The following EEFSEC variants were observed in gnomAD, a reference collection of about 807,000 sequenced individuals.
The protein encoded by EEFSEC is selenocysteine-specific elongation factor.
In EEFSEC, 43 loss-of-function variants were observed where a neutral mutation model predicts 42.1. The ratio of observed to expected loss-of-function variants is 1.02; its 90% CI spans 0.80 to 1.32. The LOEUF (loss-of-function observed/expected upper bound fraction) is 1.32. Among genes scored for constraint, EEFSEC ranks in the 40% most tolerant of loss-of-function variants. The pLI, the probability that EEFSEC is intolerant of heterozygous loss-of-function variation, is 0.00. For missense variants in EEFSEC, 745 were observed against 803.6 expected, an observed-to-expected ratio of 0.93 and a Z score of 0.88; for synonymous variants, 354 against 339.1, an observed-to-expected ratio of 1.04 and a Z score of -0.48.
Position 128,153,813 on chromosome 3 carries a change from CA to C in EEFSEC, c.307del (p.Ile103SerfsTer10). The C allele has an allele frequency of 6.6e-7, 1 of 1,512,814 alleles. No homozygotes were observed. Among genetic ancestry groups the C allele is most frequent in the Non-Finnish European group, 8.8e-7 (1 of 1,136,760 alleles). The allele number at this position is 1,512,814 out of a possible 1,614,324, so 93.7% of individuals were successfully genotyped here. A position where few individuals can be genotyped will look rare whatever the true frequency, so the allele number is the denominator to read the frequency against. On this transcript the variant is annotated frameshift_variant, in exon 1 of 7. Transcript: ENST00000254730. LOFTEE classifies it high-confidence loss of function. ...CPGHASLIRT[I>X]IGGAQIIDLM... ...CCGGGCACGCCTCCCTCATCCGGAC[CA>C]TCATCGGCGGTGAGCGCGGGCCGGG...
intron 4 of EEFSEC, among the ~76,000 whole-genome samples, chr3:128,335,025 G>T (rs71329990): frequency 0.014 from 2,199 of 152,296 alleles, 27 homozygotes; most frequent in Non-Finnish European, 0.024. Context: ...ATCCTCTGAG[G>T]GCCTGGCCAG....
At chr3:128,273,513 G>T (rs2066435982) in intron 4 of EEFSEC, among the ~76,000 whole-genome samples, 3 of 152,198 alleles carry the variant, frequency 2.0e-5, no homozygotes, top group Admixed American at 2.0e-4. Context: ...AACCCCAAGT[G>T]AATGGCATGC....
rs1260166662 is a variant in EEFSEC at position 128,368,458 on chromosome 3, C to A, written c.1600+10085C>A. On this transcript the variant is annotated intron_variant, in intron 6 of 6. Transcript: ENST00000254730. ...TCCAAAAAAAACAAAAAAAAAAAAACAAAAAAAGAAGTACAGTCCACAACA... is the reference window on the plus strand; with the variant it reads ...TCCAAAAAAAACAAAAAAAAAAAAAAAAAAAAAGAAGTACAGTCCACAACA... Among the ~76,000 whole-genome samples, 287 of 148,654 alleles carry A rather than the reference C, an allele frequency of 1.9e-3. 1 individual carries two copies. Among genetic ancestry groups the A allele is most frequent in the African/African-American group, 6.8e-3 (273 of 40,418 alleles).
At chr3:128,424,446 A>AT in the EEFSEC span, among the ~76,000 whole-genome samples, 1 of 152,034 alleles carries the variant, frequency 6.6e-6, no homozygotes, top group Non-Finnish European at 1.5e-5. Context: ...CAGTGGTGTG[A>AT]TCATGGCTCA....
At chr3:128,175,593 C>T (rs1017937829) in intron 1 of EEFSEC, among the ~76,000 whole-genome samples, 2 of 152,302 alleles carry the variant, frequency 1.3e-5, no homozygotes, top group Admixed American at 1.3e-4. Flanking sequence ...TGATAAAATT[C>T]GACATCACCT....
chr3:128,367,667 C>T, intron 6 of EEFSEC: 14 of 985,426 alleles, frequency 1.4e-5, no homozygotes, highest in Non-Finnish European at 1.7e-5. Flanking sequence ...TGTCCCCTTC[C>T]CACCTTACAG....
At chr3:128,388,859 G>A (rs2067873486) in intron 6 of EEFSEC, among the ~76,000 whole-genome samples, 1 of 152,200 alleles carries the variant, frequency 6.6e-6, no homozygotes, top group Non-Finnish European at 1.5e-5. Flanking sequence ...GAGGTAGAGG[G>A]TCCCCAAGCT....
At chr3:128,206,722 G>A (rs761367460) in intron 1 of EEFSEC, among the ~76,000 whole-genome samples, 2 of 152,116 alleles carry the variant, frequency 1.3e-5, no homozygotes, top group Non-Finnish European at 2.9e-5. Context: ...ATATTATTTC[G>A]ATCCTCATAG....
intron 1 of EEFSEC, among the ~76,000 whole-genome samples, chr3:128,242,125 TG>T: frequency 6.6e-6 from 1 of 152,142 alleles, no homozygotes; most frequent in Admixed American, 6.5e-5. Flanking sequence ...GAGACCAGCC[TG>T]GGCAACATAG....
chr3:128,381,101 G>T (rs2067771081), intron 6 of EEFSEC, among the ~76,000 whole-genome samples: 1 of 152,220 alleles, frequency 6.6e-6, no homozygotes, highest in Admixed American at 6.5e-5. Flanking sequence ...CTCTTGCTAT[G>T]GGGTGAAGGG....
At chr3:128,252,454 G>T (rs1292689364) in intron 2 of EEFSEC, among the ~76,000 whole-genome samples, 1 of 152,168 alleles carries the variant, frequency 6.6e-6, no homozygotes, top group Admixed American at 6.6e-5. Flanking sequence ...GGATATGTAG[G>T]AATAATAGCT....
intron 4 of EEFSEC, among the ~76,000 whole-genome samples, chr3:128,322,683 T>C (rs892761434): frequency 2.6e-5 from 4 of 152,226 alleles, no homozygotes; most frequent in Non-Finnish European, 4.4e-5. Flanking sequence ...GGGCAGAGAC[T>C]CAGAGTGGCC....
At chr3:128,286,497 G>T (rs1339639597) in intron 4 of EEFSEC, among the ~76,000 whole-genome samples, 1 of 152,250 alleles carries the variant, frequency 6.6e-6, no homozygotes, top group East Asian at 1.9e-4. Context: ...TTATACTTTG[G>T]GTTATAATCC....
At chr3:128,256,962 A>G (rs1473461271) in intron 2 of EEFSEC, among the ~76,000 whole-genome samples, 1 of 152,076 alleles carries the variant, frequency 6.6e-6, no homozygotes, top group Non-Finnish European at 1.5e-5. Context: ...CCAGGCTGGT[A>G]TAGAACTCCT....
At chr3:128,423,460 C>G in the EEFSEC span, among the ~76,000 whole-genome samples, 2 of 150,730 alleles carry the variant, frequency 1.3e-5, no homozygotes. Flanking sequence ...GCCTGGGTGA[C>G]AGAGCAAGAC....
At chr3:128,209,383 C>T (rs983639156) in intron 1 of EEFSEC, among the ~76,000 whole-genome samples, 5 of 152,044 alleles carry the variant, frequency 3.3e-5, no homozygotes, top group African/African-American at 4.8e-5. Flanking sequence ...GTTTGTGTGT[C>T]TGAGTAGAGG....
At chr3:128,167,328 C>T (rs1444073123) in intron 1 of EEFSEC, among the ~76,000 whole-genome samples, 2 of 152,266 alleles carry the variant, frequency 1.3e-5, no homozygotes, top group South Asian at 2.1e-4. Context: ...ACTGTATGTC[C>T]GAGGGCCCAG....
the EEFSEC span, among the ~76,000 whole-genome samples, chr3:128,420,421 G>T: frequency 2.6e-5 from 4 of 152,194 alleles, no homozygotes; most frequent in Non-Finnish European, 5.9e-5. Context: ...CGCCCTCAGG[G>T]CCTGAGCCCA....
At chr3:128,310,866 G>A (rs1352868929) in intron 4 of EEFSEC, among the ~76,000 whole-genome samples, 1 of 152,234 alleles carries the variant, frequency 6.6e-6, no homozygotes, top group Non-Finnish European at 1.5e-5. Flanking sequence ...AGGTCTGGAG[G>A]CCTCTGTCCC....
Sources: gnomAD v4.1 joint callset for allele counts (sites outside exome capture counted in the v4.1 genomes callset) on GRCh38, gnomAD v4.1.1 for gene constraint, MANE v1.5 for transcripts, NCBI Gene and HGNC (gene_info 2026-07-23, HGNC 2026-07-21) for gene names.